The following GABRA3 variants were observed in gnomAD, a reference collection of about 807,000 sequenced individuals.
GABRA3 encodes the protein gamma-aminobutyric acid receptor subunit alpha-3.
Under a neutral mutation model 30.1 loss-of-function variants are expected in GABRA3, and 10 were observed. That is an observed-to-expected ratio of 0.33 (90% CI 0.20 to 0.56). GABRA3 has a LOEUF of 0.56. Among genes scored for constraint, GABRA3 ranks in the 20% least tolerant of loss-of-function variants. GABRA3 has a pLI of 0.89. For missense variants in GABRA3, 233 were observed against 392.0 expected (o/e 0.59, Z 3.42); for synonymous variants, 151 against 146.8 (o/e 1.03, Z -0.21).
At chrX:152,389,461 A>T (rs1336049692) in intron 1 of GABRA3, 1 of 111,698 alleles carries the variant, frequency 9.0e-6, no homozygotes, top group Non-Finnish European at 1.9e-5. Context: ...CCCACGGCAC[A>T]TTCCCAGACA....
At chrX:152,210,899 A>G (rs1216930175) in intron 6 of GABRA3, among the ~76,000 whole-genome samples, 4 of 110,993 alleles carry the variant, frequency 3.6e-5, no homozygotes, top group African/African-American at 1.3e-4. Context: ...TCTTCTCAGA[A>G]CCCTTCTCAT....
Position 152,263,604 on chromosome X carries a change from A to T in GABRA3, c.331-7606T>A, listed in dbSNP as rs1318373900. 5.4e-5 allele frequency among the ~76,000 whole-genome samples: 6 copies of T among 111,188 alleles called. No homozygotes were observed. The Admixed American group carries it at 5.7e-4, about 11-fold the overall frequency. ...CAAGAAAATAGCCTCAAAAGGGCAA[A>T]TCTAAGAGTTATTGGCCTTAAAGAG... On this transcript the variant is annotated intron_variant, in intron 4 of 9. Transcript: ENST00000370314.
At chrX:152,318,678 A>G (rs956905262) in intron 3 of GABRA3, among the ~76,000 whole-genome samples, 1 of 112,257 alleles carries the variant, frequency 8.9e-6, no homozygotes, top group Non-Finnish European at 1.9e-5. Flanking sequence ...AACACATGCA[A>G]GTCAATAAAT....
intron 1 of GABRA3, among the ~76,000 whole-genome samples, chrX:152,440,163 A>G (rs949640964): frequency 4.4e-5 from 5 of 112,515 alleles, no homozygotes; most frequent in African/African-American, 1.6e-4. Flanking sequence ...CAAAGAACTT[A>G]AACAAATCTA....
chrX:152,273,335 G>T (rs1321664130), intron 4 of GABRA3, among the ~76,000 whole-genome samples: 2 of 112,096 alleles, frequency 1.8e-5, no homozygotes, highest in Non-Finnish European at 3.8e-5. Flanking sequence ...ATACACTGTT[G>T]GTGGAAATGT....
chrX:152,171,299 A>G lies in GABRA3; in HGVS notation c.1144-2736T>C, dbSNP rs56827633. On this transcript the variant is annotated intron_variant, in intron 9 of 9. Transcript: ENST00000370314. ...TAGCTCCATAGGCACTTTATGTTCT[A>G]TAGATGGGGAGAAGCAGCAATCACG... is the stretch of plus-strand genomic sequence containing the variant. The G allele has an allele frequency of 7.6e-3, 1,625 of 213,434 alleles. 26 individuals carry two copies. The highest frequency in any genetic ancestry group is 0.046 in the African/African-American group (1,516 of 33,011). 17.6% of individuals were successfully genotyped at this position (213,434 alleles called of 1,213,427 possible).
intron 3 of GABRA3, among the ~76,000 whole-genome samples, chrX:152,325,672 A>C (rs1266496100): frequency 8.9e-6 from 1 of 112,252 alleles, no homozygotes; most frequent in Non-Finnish European, 1.9e-5. Flanking sequence ...CAGAAAGGAC[A>C]TCCACACCAA....
chrX:152,400,688 T>C (rs1490157449), intron 1 of GABRA3, among the ~76,000 whole-genome samples: 1 of 111,018 alleles, frequency 9.0e-6, no homozygotes, highest in African/African-American at 3.3e-5. Context: ...AAAATAGATA[T>C]AGTATCCTGG....
intron 1 of GABRA3, among the ~76,000 whole-genome samples, chrX:152,383,984 A>AG (rs964330514): frequency 1.0e-4 from 11 of 109,641 alleles, no homozygotes; most frequent in Admixed American, 7.8e-4. Flanking sequence ...AAAAAAAAAA[A>AG]AAAAAAGAAA....
At chrX:152,251,513 C>T (rs1938554672) in intron 5 of GABRA3, among the ~76,000 whole-genome samples, 1 of 109,548 alleles carries the variant, frequency 9.1e-6, no homozygotes, top group South Asian at 4.0e-4. Flanking sequence ...TATTTCTCCT[C>T]ACTATTTGCA....
intron 1 of GABRA3, among the ~76,000 whole-genome samples, chrX:152,400,122 C>T (rs1233370976): frequency 1.8e-5 from 2 of 111,463 alleles, no homozygotes; most frequent in East Asian, 5.6e-4. Context: ...AAAATATTTT[C>T]TCACGTTAAT....
intron 5 of GABRA3, among the ~76,000 whole-genome samples, chrX:152,227,271 C>T (rs1234715206): frequency 1.9e-5 from 2 of 104,211 alleles, no homozygotes; most frequent in African/African-American, 7.0e-5. Context: ...TCTCAGTAAA[C>T]TATCGCAAGG....
At chrX:152,242,519 T>G (rs1279573232) in intron 5 of GABRA3, among the ~76,000 whole-genome samples, 1 of 111,813 alleles carries the variant, frequency 8.9e-6, no homozygotes, top group Non-Finnish European at 1.9e-5. Flanking sequence ...ATATATCAAA[T>G]AAAGGGTTAA....
chrX:152,348,431 AT>A (rs1940424375), intron 2 of GABRA3, among the ~76,000 whole-genome samples: 1 of 111,874 alleles, frequency 8.9e-6, no homozygotes, highest in African/African-American at 3.2e-5. Context: ...TAGATAAAAT[AT>A]GATAATAATA....
intron 9 of GABRA3, among the ~76,000 whole-genome samples, chrX:152,182,694 T>TGTATATATACACTATATATAC (rs1937190763): frequency 2.0e-4 from 9 of 44,466 alleles, no homozygotes; most frequent in Admixed American, 5.5e-4. Flanking sequence ...ACTATATATG[T>TGTATATATACACTATATATAC]ATATATAGTG....
At chrX:152,424,514 C>T (rs1930464141) in intron 1 of GABRA3, among the ~76,000 whole-genome samples, 2 of 111,532 alleles carry the variant, frequency 1.8e-5, no homozygotes, top group South Asian at 3.7e-4. Context: ...ATTTCATAAC[C>T]TGATTTGTCA....
At chrX:152,428,948 G>A (rs941100422) in intron 1 of GABRA3, among the ~76,000 whole-genome samples, 5 of 111,471 alleles carry the variant, frequency 4.5e-5, no homozygotes, top group Non-Finnish European at 7.5e-5. Flanking sequence ...TGCACTTAAT[G>A]GGTCACCAAT....
At chrX:152,198,226 AAG>A (rs776129446) in intron 7 of GABRA3, among the ~76,000 whole-genome samples, 1 of 112,001 alleles carries the variant, frequency 8.9e-6, no homozygotes, top group East Asian at 2.8e-4. Flanking sequence ...CAACTTGCAT[AAG>A]GTTACACAGC....
At position 152,312,655 on chromosome X, in the gene GABRA3, AGCTTCT is replaced by A. The variant is rs778190470; in HGVS notation, c.263-27926_263-27921del. 5.4e-5 allele frequency among the ~76,000 whole-genome samples: 6 copies of A among 112,144 alleles called. No homozygotes were observed. The East Asian group carries it at 1.4e-3, about 26-fold the overall frequency. Reference sequence around the variant, plus strand: ...CAAATAATACCTAATTAAACTGATGAGCTTCTGCACAGCAAAAGAATCAAAAATGTA... The same window carrying A: ...CAAATAATACCTAATTAAACTGATGAGCACAGCAAAAGAATCAAAAATGTA... On this transcript the variant is annotated intron_variant, in intron 3 of 9. Transcript: ENST00000370314.
Sources: gnomAD v4.1 joint callset for allele counts (sites outside exome capture counted in the v4.1 genomes callset) on GRCh38, gnomAD v4.1.1 for gene constraint, MANE v1.5 for transcripts, NCBI Gene and HGNC (gene_info 2026-07-23, HGNC 2026-07-21) for gene names.